The following RASEF variants were observed in gnomAD, a reference collection of about 807,000 sequenced individuals.
The protein encoded by RASEF is RAS and EF-hand domain containing.
A neutral mutation model predicts 90.1 loss-of-function variants in RASEF; 68 were observed. That is an observed-to-expected ratio of 0.75 (90% CI 0.62 to 0.92). The LOEUF (loss-of-function observed/expected upper bound fraction) is 0.92. Among genes scored for constraint, RASEF ranks in the 40% least tolerant of loss-of-function variants. The probability of loss-of-function intolerance (pLI) is 0.00; values close to 1 mark genes in which losing one functional copy is unlikely to be tolerated. For synonymous variants in RASEF, 331 were observed against 345.2 expected, an observed-to-expected ratio of 0.96 and a Z score of 0.46; for missense variants, 949 against 937.2, an observed-to-expected ratio of 1.01 and a Z score of -0.16.
chr9:83,164,743 T>C, the RASEF span, among the ~76,000 whole-genome samples: 1 of 151,770 alleles, frequency 6.6e-6, no homozygotes, highest in Non-Finnish European at 1.5e-5. Flanking sequence ...AAAGAGATTG[T>C]CAGAAATATC....
At chr9:83,065,022 C>G (rs543730366), upstream of RASEF, among the ~76,000 whole-genome samples, 1 of 152,258 alleles carries the variant, frequency 6.6e-6, no homozygotes, top group Non-Finnish European at 1.5e-5. Flanking sequence ...GAGCCGAGAT[C>G]GCGCCACTGC....
the RASEF span, among the ~76,000 whole-genome samples, chr9:83,099,719 T>G: frequency 6.6e-6 from 1 of 152,246 alleles, no homozygotes; most frequent in African/African-American, 2.4e-5. Flanking sequence ...TCCCAGGAAC[T>G]GCGCTTTGCT....
At chr9:83,178,405 T>A in the RASEF span, among the ~76,000 whole-genome samples, 1 of 152,162 alleles carries the variant, frequency 6.6e-6, no homozygotes, top group African/African-American at 2.4e-5. Flanking sequence ...CTCCCAGCCA[T>A]AAAATGGCTG....
the RASEF span, among the ~76,000 whole-genome samples, chr9:83,114,622 G>T: frequency 3.3e-5 from 5 of 152,292 alleles, no homozygotes; most frequent in Admixed American, 1.3e-4. Context: ...GCATCCCTGA[G>T]GGTAGGCCTC....
chr9:83,040,285 T>C (rs1343459297), intron 1 of RASEF, among the ~76,000 whole-genome samples: 1 of 152,208 alleles, frequency 6.6e-6, no homozygotes, highest in Non-Finnish European at 1.5e-5. Context: ...ATCAGCTGAA[T>C]GGCTAAACCA....
At chr9:83,018,701 T>C (rs1829389403) in intron 3 of RASEF, among the ~76,000 whole-genome samples, 1 of 151,954 alleles carries the variant, frequency 6.6e-6, no homozygotes, top group Non-Finnish European at 1.5e-5. Context: ...TATAAACCAA[T>C]AGGTATGAAG....
intron 3 of RASEF, among the ~76,000 whole-genome samples, chr9:83,016,473 G>T (rs1041790308): frequency 2.1e-4 from 8 of 38,028 alleles, no homozygotes; most frequent in Non-Finnish European, 3.7e-4. Context: ...GCTCCCACTG[G>T]CTGAAACATC....
the RASEF span, among the ~76,000 whole-genome samples, chr9:83,118,173 C>T: frequency 6.6e-6 from 1 of 152,054 alleles, no homozygotes; most frequent in Non-Finnish European, 1.5e-5. Context: ...AGAAGTTTAA[C>T]ATTATTACCT....
the RASEF span, among the ~76,000 whole-genome samples, chr9:83,114,166 A>G: frequency 1.3e-5 from 2 of 152,200 alleles, no homozygotes; most frequent in Non-Finnish European, 2.9e-5. Flanking sequence ...TTTCGTGGAC[A>G]TTTATTAGTT....
the RASEF span, among the ~76,000 whole-genome samples, chr9:83,196,053 C>T: frequency 1.3e-5 from 2 of 152,176 alleles, no homozygotes; most frequent in African/African-American, 4.8e-5. Flanking sequence ...CCTCAGATTA[C>T]TTCAAGGTGT....
chr9:83,030,011 G>C (rs1276901266), intron 1 of RASEF, among the ~76,000 whole-genome samples: 1 of 152,124 alleles, frequency 6.6e-6, no homozygotes. Flanking sequence ...CTACCAGGAA[G>C]GTAAAAAGCA....
the RASEF span, among the ~76,000 whole-genome samples, chr9:83,187,710 C>G: frequency 6.6e-6 from 1 of 152,186 alleles, no homozygotes; most frequent in African/African-American, 2.4e-5. Context: ...GTGTTTTCCT[C>G]ATGCTATTCA....
chr9:83,150,993 C>A, the RASEF span, among the ~76,000 whole-genome samples: 7 of 152,182 alleles, frequency 4.6e-5, no homozygotes, highest in African/African-American at 1.2e-4. Flanking sequence ...ATGTAGAATA[C>A]CACGTGTATT....
At chr9:83,123,003 G>T in the RASEF span, among the ~76,000 whole-genome samples, 5 of 151,126 alleles carry the variant, frequency 3.3e-5, no homozygotes, top group African/African-American at 1.2e-4. Flanking sequence ...ACTTTGGCAG[G>T]CCGAGGCAGG....
At chr9:83,167,012 T>C in the RASEF span, among the ~76,000 whole-genome samples, 2 of 152,248 alleles carry the variant, frequency 1.3e-5, no homozygotes, top group African/African-American at 4.8e-5. Context: ...AAATCCTAGG[T>C]TTGCCGTTTG....
At chr9:82,995,197 T>G (rs780407341) in intron 14 of RASEF, among the ~76,000 whole-genome samples, 1 of 152,256 alleles carries the variant, frequency 6.6e-6, no homozygotes, top group South Asian at 2.1e-4. Flanking sequence ...AGTGGGCCAC[T>G]CTACATAAGG....
the RASEF span, among the ~76,000 whole-genome samples, chr9:83,128,617 T>C: frequency 6.6e-6 from 1 of 152,068 alleles, no homozygotes; most frequent in Non-Finnish European, 1.5e-5. Flanking sequence ...TGAGAACTGT[T>C]CCATCACTCA....
the RASEF span, among the ~76,000 whole-genome samples, chr9:83,215,213 C>T: frequency 6.6e-6 from 1 of 152,042 alleles, no homozygotes; most frequent in Non-Finnish European, 1.5e-5. Flanking sequence ...ATGAGAGCCA[C>T]CTCCACCACT....
At chr9:83,147,059 T>TATATATATATAA in the RASEF span, among the ~76,000 whole-genome samples, 1 of 147,812 alleles carries the variant, frequency 6.8e-6, no homozygotes, top group East Asian at 2.0e-4. Flanking sequence ...TATATATATA[T>TATATATATATAA]AAATATGTAC....
Sources: allele counts gnomAD v4.1 joint callset (sites outside exome capture counted in the v4.1 genomes callset), GRCh38; gene constraint gnomAD v4.1.1; transcripts MANE v1.5; gene names NCBI Gene and HGNC (gene_info 2026-07-23, HGNC 2026-07-21).